The following PHF21B variants were observed in gnomAD, a reference collection of about 807,000 sequenced individuals.
The protein encoded by PHF21B is PHD finger protein 4.
In PHF21B, 22 loss-of-function variants were observed where a neutral mutation model predicts 62.2. The ratio of observed to expected loss-of-function variants is 0.35; its 90% CI spans 0.25 to 0.51. PHF21B has a LOEUF of 0.51. PHF21B is among the 20% of genes least tolerant of loss of function. PHF21B has a pLI of 0.97. For synonymous variants in PHF21B, 341 were observed against 314.7 expected (o/e 1.08, Z -0.88); for missense variants, 701 against 707.9 (o/e 0.99, Z 0.11).
At position 45,008,577 on chromosome 22, in the gene PHF21B, G is replaced by C; in HGVS notation, c.88C>G (p.Gln30Glu). The change falls in exon 2 of 13, where the codon CAG becomes GAG. Residue 30 changes from glutamine to glutamate, a missense_variant. Gln to Glu is a conservative substitution (Grantham distance 29). Coordinates refer to ENST00000313237, the MANE Select transcript of PHF21B (RefSeq NM_138415.5). Reference protein sequence around the residue: ...GDLKKQLHERQPRIAALSDKQ... With the variant: ...GDLKKQLHEREPRIAALSDKQ... ...TCGCTGAGCGCGGCGATCCGCGGCT[G>C]CCTTTCGTGGAGCTGCTTCTTGAGG... is the stretch of plus-strand genomic sequence containing the variant. 1 of 1,590,078 alleles carries C rather than the reference G, an allele frequency of 6.3e-7. No homozygotes were observed. Among genetic ancestry groups the C allele is most frequent in the Non-Finnish European group, 8.6e-7 (1 of 1,169,018 alleles).
At chr22:44,960,089 G>A (rs978689897) in intron 2 of PHF21B, among the ~76,000 whole-genome samples, 1 of 152,152 alleles carries the variant, frequency 6.6e-6, no homozygotes, top group African/African-American at 2.4e-5. Context: ...CACTGCACAC[G>A]AAATGCTTCA....
intron 2 of PHF21B, among the ~76,000 whole-genome samples, chr22:44,972,403 C>G (rs1362501161): frequency 6.6e-6 from 1 of 152,182 alleles, no homozygotes; most frequent in Non-Finnish European, 1.5e-5. Context: ...CCTGAAAAGC[C>G]AAAGAAGCTT....
rs1319248534 is a variant in PHF21B at position 44,893,552 on chromosome 22, A to G, written c.884-19T>C. On this transcript the variant is annotated intron_variant, in intron 6 of 12. Transcript: ENST00000313237. Reference sequence around the variant, plus strand: ...TGGATTTCTGGAAAGGCACAGACACAGCAGTTACTGGGTCCTGCCTGCCCT... The same window carrying G: ...TGGATTTCTGGAAAGGCACAGACACGGCAGTTACTGGGTCCTGCCTGCCCT... 3.2e-6 allele frequency: 5 copies of G among 1,585,968 alleles called. No individual in the cohort carries two copies. The highest frequency in any genetic ancestry group is 1.8e-5 in the Admixed American group (1 of 55,930).
At chr22:44,938,138 G>A (rs555659149) in intron 2 of PHF21B, among the ~76,000 whole-genome samples, 232 of 152,332 alleles carry the variant, frequency 1.5e-3, no homozygotes, top group African/African-American at 5.2e-3. Flanking sequence ...GTAGTACCTC[G>A]ATCTCGGCTC....
chr22:44,928,966 G>A (rs534479292), intron 2 of PHF21B, among the ~76,000 whole-genome samples: 7 of 152,314 alleles, frequency 4.6e-5, no homozygotes, highest in Non-Finnish European at 8.8e-5. Context: ...CTGGGGAGGC[G>A]AGAGGGGAGG....
intron 2 of PHF21B, among the ~76,000 whole-genome samples, chr22:44,929,089 G>A (rs2071690469): frequency 6.6e-6 from 1 of 152,252 alleles, no homozygotes; most frequent in Non-Finnish European, 1.5e-5. Flanking sequence ...ATTGCTTCTC[G>A]AGTTGCAATT....
chr22:44,955,269 T>C (rs894475395), intron 2 of PHF21B, among the ~76,000 whole-genome samples: 1 of 152,208 alleles, frequency 6.6e-6, no homozygotes, highest in Non-Finnish European at 1.5e-5. Flanking sequence ...GAAAGCCCCC[T>C]GAGCCTCTCT....
intron 2 of PHF21B, among the ~76,000 whole-genome samples, chr22:44,994,964 G>A (rs2073097037): frequency 6.6e-6 from 1 of 152,222 alleles, no homozygotes; most frequent in Non-Finnish European, 1.5e-5. Context: ...CAGGCCGAGA[G>A]GCCGCCCACC....
chr22:44,961,902 T>C (rs986289865), intron 2 of PHF21B, among the ~76,000 whole-genome samples: 3 of 151,030 alleles, frequency 2.0e-5, no homozygotes, highest in Non-Finnish European at 4.4e-5. Flanking sequence ...ATAAGTATAA[T>C]GACCTCCAGC....
intron 12 of PHF21B, 22 bp from the exon 13 acceptor site, chr22:44,883,326 G>T (rs754963131): frequency 1.2e-6 from 2 of 1,609,438 alleles, no homozygotes; most frequent in African/African-American, 1.3e-5. Context: ...AAGGTCAGGG[G>T]AAAGGGTCTC....
At chr22:44,942,171 CCCAG>C (rs1405982599) in intron 2 of PHF21B, among the ~76,000 whole-genome samples, 2 of 152,204 alleles carry the variant, frequency 1.3e-5, no homozygotes, top group Non-Finnish European at 2.9e-5. Flanking sequence ...TCTCCCTTTT[CCCAG>C]CCAGACTCGG....
chr22:44,943,556 G>A (rs1159519430), intron 2 of PHF21B, among the ~76,000 whole-genome samples: 5 of 152,070 alleles, frequency 3.3e-5, no homozygotes, highest in Admixed American at 1.3e-4. Context: ...GCAGCTGCAC[G>A]CTTCCTCCAG....
At chr22:44,938,364 G>A (rs2071890283) in intron 2 of PHF21B, among the ~76,000 whole-genome samples, 1 of 152,240 alleles carries the variant, frequency 6.6e-6, no homozygotes, top group Non-Finnish European at 1.5e-5. Flanking sequence ...CTCCAGAGTA[G>A]CTGGGATTAC....
chr22:44,889,264 T>C (rs1435377178), intron 9 of PHF21B, among the ~76,000 whole-genome samples: 1 of 118,250 alleles, frequency 8.5e-6, no homozygotes, highest in African/African-American at 3.2e-5. Flanking sequence ...GGATGTGGTG[T>C]GTGCACGGGT....
chr22:44,944,422 C>T lies in PHF21B; in HGVS notation c.121-23932G>A, dbSNP rs368621146. On this transcript the variant is annotated intron_variant, in intron 2 of 12. Transcript: ENST00000313237. ...TTTCCATCCATTCCTCCTCTCTGGT[C>T]ATCTGAAGCACCCTCTGGATTCTGG... 1.4e-4 allele frequency among the ~76,000 whole-genome samples: 22 copies of T among 152,332 alleles called. No individual in the cohort carries two copies. The East Asian group carries it at 2.7e-3, about 19-fold the overall frequency.
chr22:44,989,796 G>A (rs1460324043), intron 2 of PHF21B, among the ~76,000 whole-genome samples: 1 of 151,996 alleles, frequency 6.6e-6, no homozygotes, highest in African/African-American at 2.4e-5. Context: ...TTTTAGTAGA[G>A]ACAGGGTTTC....
intron 2 of PHF21B, among the ~76,000 whole-genome samples, chr22:44,931,516 G>A (rs924501959): frequency 6.6e-6 from 1 of 152,006 alleles, no homozygotes; most frequent in African/African-American, 2.4e-5. Context: ...TAAAACACCC[G>A]TTCAGCGGCC....
At chr22:45,004,872 C>T (rs763147333) in intron 2 of PHF21B, among the ~76,000 whole-genome samples, 5 of 152,246 alleles carry the variant, frequency 3.3e-5, no homozygotes, top group Non-Finnish European at 4.4e-5. Context: ...AGTTCATCAG[C>T]TCCACGGACT....
At chr22:45,007,782 A>AGGGGGC (rs1438674532) in intron 2 of PHF21B, among the ~76,000 whole-genome samples, 1 of 30,726 alleles carries the variant, frequency 3.3e-5, no homozygotes, top group African/African-American at 1.3e-4. Flanking sequence ...GGCGGGAGCC[A>AGGGGGC]GGGGGCGGGG....
Sources: allele counts gnomAD v4.1 joint callset (sites outside exome capture counted in the v4.1 genomes callset), GRCh38; gene constraint gnomAD v4.1.1; transcripts MANE v1.5; gene names NCBI Gene and HGNC (gene_info 2026-07-23, HGNC 2026-07-21).